Variants in IL1RAPL2 observed in about 807,000 individuals in gnomAD.
The protein encoded by IL1RAPL2 is interleukin 1 receptor accessory protein like 2.
Under a neutral mutation model 44.1 loss-of-function variants are expected in IL1RAPL2, and 3 were observed. The observed-to-expected ratio is 0.07, with a 90% CI of 0.03 to 0.18. The LOEUF is 0.18. Ranked by LOEUF, IL1RAPL2 falls within the 10% of genes least tolerant of loss-of-function variation. The pLI, the probability that IL1RAPL2 is intolerant of heterozygous loss-of-function variation, is 1.00. For synonymous variants in IL1RAPL2, 181 were observed against 178.8 expected (o/e 1.01, Z -0.10); for missense variants, 391 against 496.4 (o/e 0.79, Z 2.02).
At chrX:105,387,857 T>C (rs1251870045) in intron 5 of IL1RAPL2, among the ~76,000 whole-genome samples, 4 of 108,801 alleles carry the variant, frequency 3.7e-5, no homozygotes, top group South Asian at 4.0e-4. Flanking sequence ...CTGTAGAAAA[T>C]GGGTAATTGG....
intron 4 of IL1RAPL2, among the ~76,000 whole-genome samples, chrX:105,247,146 T>C (rs759909505): frequency 9.0e-6 from 1 of 111,650 alleles, no homozygotes; most frequent in East Asian, 2.8e-4. Context: ...CTCCTCTATC[T>C]GAACTCTATC....
Position 104,945,857 on chromosome X carries a change from A to C in IL1RAPL2, c.83-249618A>C, listed in dbSNP as rs1266686232. Among the ~76,000 whole-genome samples, 4 of 111,060 alleles carry C rather than the reference A, an allele frequency of 3.6e-5. No homozygotes were observed. The Admixed American group carries it at 3.8e-4, about 11-fold the overall frequency. On this transcript the variant is annotated intron_variant, in intron 2 of 10. Coordinates refer to ENST00000372582, the MANE Select transcript of IL1RAPL2 (RefSeq NM_017416.2). ...AGTGTTAATGTGCTCCAAACTATATAGACCTTTTTTGAACTTCATACAACC... is the reference window on the plus strand; with the variant it reads ...AGTGTTAATGTGCTCCAAACTATATCGACCTTTTTTGAACTTCATACAACC...
chrX:105,710,954 TTA>T (rs895517546), intron 6 of IL1RAPL2, among the ~76,000 whole-genome samples: 2 of 105,150 alleles, frequency 1.9e-5, no homozygotes, highest in African/African-American at 6.9e-5. Flanking sequence ...ATATATATAT[TTA>T]TATATATATG....
At chrX:105,446,891 G>A (rs993614566) in intron 5 of IL1RAPL2, among the ~76,000 whole-genome samples, 29 of 103,843 alleles carry the variant, frequency 2.8e-4, no homozygotes, top group African/African-American at 1.0e-3. Flanking sequence ...AGTGAGTTTT[G>A]TACCTTCAGG....
intron 4 of IL1RAPL2, among the ~76,000 whole-genome samples, chrX:105,243,048 G>A (rs2034185225): frequency 9.0e-6 from 1 of 110,610 alleles, no homozygotes; most frequent in African/African-American, 3.3e-5. Context: ...GCAGTGAGCT[G>A]AGATTGTGCC....
At chrX:105,372,614 G>A (rs749226820) in intron 5 of IL1RAPL2, among the ~76,000 whole-genome samples, 1 of 110,628 alleles carries the variant, frequency 9.0e-6, no homozygotes, top group African/African-American at 3.3e-5. Flanking sequence ...CATTTTTCCT[G>A]ATCCTTTCCA....
At chrX:105,359,838 C>T (rs200348623) in intron 5 of IL1RAPL2, among the ~76,000 whole-genome samples, 1 of 110,905 alleles carries the variant, frequency 9.0e-6, no homozygotes, top group South Asian at 3.9e-4. Context: ...AATTTACTCA[C>T]TCTTTCTCTG....
chrX:105,173,292 T>G (rs1602991440), intron 2 of IL1RAPL2, among the ~76,000 whole-genome samples: 1 of 112,011 alleles, frequency 8.9e-6, no homozygotes, highest in East Asian at 2.8e-4. Flanking sequence ...CCTAGCGATA[T>G]GATGAATAAC....
intron 1 of IL1RAPL2, among the ~76,000 whole-genome samples, chrX:104,633,074 C>A (rs1473864876): frequency 1.8e-5 from 2 of 111,277 alleles, no homozygotes; most frequent in Non-Finnish European, 1.9e-5. Context: ...TTGTCAAAGG[C>A]CTTTTCTGCA....
At chrX:105,043,670 G>T (rs2031795149) in intron 2 of IL1RAPL2, among the ~76,000 whole-genome samples, 1 of 111,056 alleles carries the variant, frequency 9.0e-6, no homozygotes, top group African/African-American at 3.3e-5. Flanking sequence ...ATATCCTGAG[G>T]AGGTAGGTAG....
intron 5 of IL1RAPL2, among the ~76,000 whole-genome samples, chrX:105,453,933 T>C (rs2036037452): frequency 8.9e-6 from 1 of 112,040 alleles, no homozygotes; most frequent in South Asian, 3.7e-4. Context: ...ACACTCATCT[T>C]CTTCACAAAG....
intron 1 of IL1RAPL2, among the ~76,000 whole-genome samples, chrX:104,588,519 A>G (rs887071494): frequency 1.8e-5 from 2 of 111,411 alleles, no homozygotes; most frequent in South Asian, 7.7e-4. Context: ...TTAGAAAACC[A>G]AATTATCTTA....
At chrX:105,101,623 T>C (rs2032672131) in intron 2 of IL1RAPL2, among the ~76,000 whole-genome samples, 1 of 111,235 alleles carries the variant, frequency 9.0e-6, no homozygotes, top group Non-Finnish European at 1.9e-5. Context: ...CGTAAGTGTA[T>C]TTGTAGCCAT....
Position 104,843,428 on chromosome X carries a change from G to A in IL1RAPL2, c.82+184433G>A, listed in dbSNP as rs1224931094. Among the ~76,000 whole-genome samples, 4 of 110,914 alleles carry A rather than the reference G, an allele frequency of 3.6e-5. No homozygotes were observed. In the East Asian group the frequency reaches 8.6e-4, roughly 24 times the overall value. ...GGGGAGTGGATGGTTCTCCTGTCTC[G>A]CTGGAGTTCCAGGTGCCACTGGAGT... On this transcript the variant is annotated intron_variant, in intron 2 of 10. Coordinates refer to ENST00000372582, the MANE Select transcript of IL1RAPL2 (RefSeq NM_017416.2).
chrX:105,560,081 C>T (rs764126918), intron 6 of IL1RAPL2, among the ~76,000 whole-genome samples: 12 of 111,357 alleles, frequency 1.1e-4, no homozygotes, highest in Admixed American at 1.9e-4. Context: ...CTCTCTCTTC[C>T]TTCAGCCATC....
Position 105,555,746 on chromosome X carries a change from A to G in IL1RAPL2, c.772+71359A>G, listed in dbSNP as rs556037920. Reference sequence around the variant, plus strand: ...GGTTACCTCAGAGCTTTAGTTTTGGAGAAAAGCTTTTGAGATTACAGCTTC... The same window carrying G: ...GGTTACCTCAGAGCTTTAGTTTTGGGGAAAAGCTTTTGAGATTACAGCTTC... On this transcript the variant is annotated intron_variant, in intron 6 of 10. Coordinates refer to ENST00000372582, the MANE Select transcript of IL1RAPL2 (RefSeq NM_017416.2). Among the ~76,000 whole-genome samples, 19 of 112,285 alleles carry G rather than the reference A, an allele frequency of 1.7e-4. 1 individual carries two copies. The South Asian group carries it at 6.3e-3, about 37-fold the overall frequency.
At chrX:105,391,362 G>T (rs2035520573) in intron 5 of IL1RAPL2, among the ~76,000 whole-genome samples, 1 of 109,768 alleles carries the variant, frequency 9.1e-6, no homozygotes, top group African/African-American at 3.3e-5. Context: ...CTCAAAAGAA[G>T]ACATTTATGC....
At chrX:105,156,323 A>C (rs1026235814) in intron 2 of IL1RAPL2, among the ~76,000 whole-genome samples, 2 of 112,127 alleles carry the variant, frequency 1.8e-5, no homozygotes, top group Non-Finnish European at 1.9e-5. Context: ...TACAGTTTAA[A>C]TACATTACCA....
At chrX:104,698,000 T>C (rs1157504464) in intron 2 of IL1RAPL2, among the ~76,000 whole-genome samples, 1 of 112,211 alleles carries the variant, frequency 8.9e-6, no homozygotes, top group Non-Finnish European at 1.9e-5. Context: ...AACTGGGGAA[T>C]GATCAATTCT....
Sources: allele counts gnomAD v4.1 joint callset (sites outside exome capture counted in the v4.1 genomes callset), GRCh38; gene constraint gnomAD v4.1.1; transcripts MANE v1.5; gene names NCBI Gene and HGNC (gene_info 2026-07-23, HGNC 2026-07-21).